TAF4B: variants seen among roughly 807,000 people sequenced by gnomAD.
The protein encoded by TAF4B is TATA-box binding protein associated factor 4b.
Under a neutral mutation model 86.4 loss-of-function variants are expected in TAF4B, and 38 were observed. The observed-to-expected ratio is 0.44, with a 90% CI of 0.34 to 0.58. TAF4B has a LOEUF of 0.58. Among genes scored for constraint, TAF4B ranks in the 20% least tolerant of loss-of-function variants. The pLI, the probability that TAF4B is intolerant of heterozygous loss-of-function variation, is 0.02. For missense variants in TAF4B, 988 were observed against 1,027.6 expected, an observed-to-expected ratio of 0.96 and a Z score of 0.53; for synonymous variants, 388 against 391.2, an observed-to-expected ratio of 0.99 and a Z score of 0.10.
At chr18:26,243,391 G>C (rs910754058) in intron 1 of TAF4B, among the ~76,000 whole-genome samples, 7 of 151,918 alleles carry the variant, frequency 4.6e-5, no homozygotes, top group African/African-American at 1.7e-4. Context: ...ACTGAAGCTT[G>C]TGCATCACGT....
chr18:26,231,344 G>GTTTTTTTTT (rs1260610897), intron 1 of TAF4B, among the ~76,000 whole-genome samples: 3 of 60,820 alleles, frequency 4.9e-5, no homozygotes, highest in African/African-American at 6.7e-5. Context: ...AGCTGCTTGG[G>GTTTTTTTTT]GTTTTTTTTT....
intron 1 of TAF4B, among the ~76,000 whole-genome samples, chr18:26,236,144 T>C (rs1222185735): frequency 6.6e-6 from 1 of 152,182 alleles, no homozygotes; most frequent in African/African-American, 2.4e-5. Flanking sequence ...TTGTTATTCA[T>C]GCAAATAATA....
chr18:26,236,648 G>A (rs1360916147), intron 1 of TAF4B, among the ~76,000 whole-genome samples: 1 of 152,214 alleles, frequency 6.6e-6, no homozygotes, highest in East Asian at 1.9e-4. Flanking sequence ...AAGCCCTACC[G>A]GGTTATTGCC....
chr18:26,315,095 A>ACTAACTCTCTCTCTCT, intron 9 of TAF4B, 134 bp from the exon 10 acceptor site: 1 of 218,604 alleles, frequency 4.6e-6, no homozygotes, highest in East Asian at 9.6e-5. Context: ...GCTCTCTGAA[A>ACTAACTCTCTCTCTCT]CTCTCTCTCT....
chr18:26,346,877 GTA>G (rs1220239621), intron 13 of TAF4B, among the ~76,000 whole-genome samples: 863 of 6,560 alleles, frequency 0.13, 201 homozygotes, highest in South Asian at 0.2. Flanking sequence ...ATATATATGT[GTA>G]TATATATATA....
chr18:26,274,807 C>G lies in TAF4B; in HGVS notation c.742C>G (p.Gln248Glu). ...NLKAENSAAV[Q>E]INLSPTMLEN... is the part of the protein sequence containing the mutation. ...TAAAGCAGAGAACTCAGCAGCTGTT[C>G]AGATTAATCTTTCTCCGGTAAGCTC... Residue 248 changes from glutamine to glutamate, a missense_variant, in exon 4 of 15, where the codon CAG (glutamine) becomes GAG (glutamate). By Grantham distance (29) the Gln-to-Glu change is conservative. This residue lies in a region of TAF4B where 747 missense variants were observed against 737.9 expected (regional missense o/e 1.01). Coordinates refer to ENST00000269142, the MANE Select transcript of TAF4B (RefSeq NM_005640.3). 1 of 1,614,144 alleles carries G rather than the reference C, an allele frequency of 6.2e-7. No individual in the cohort carries two copies. The highest frequency in any genetic ancestry group is 8.5e-7 in the Non-Finnish European group (1 of 1,180,026).
At chr18:26,271,703 C>T (rs950800919) in intron 3 of TAF4B, among the ~76,000 whole-genome samples, 2 of 152,066 alleles carry the variant, frequency 1.3e-5, no homozygotes, top group Admixed American at 1.3e-4. Flanking sequence ...GCAGGTGGAT[C>T]ACCTGAGGTC....
At chr18:26,245,499 A>C (rs768823116) in intron 1 of TAF4B, among the ~76,000 whole-genome samples, 1 of 152,126 alleles carries the variant, frequency 6.6e-6, no homozygotes, top group African/African-American at 2.4e-5. Context: ...GGCCCCTCCC[A>C]TGTTCCATTT....
intron 5 of TAF4B, among the ~76,000 whole-genome samples, chr18:26,275,344 C>T (rs746575468): frequency 1.1e-4 from 16 of 151,934 alleles, no homozygotes; most frequent in Non-Finnish European, 1.3e-4. Context: ...TTAGTAGAGA[C>T]GGGGTTTTGC....
At chr18:26,268,897 A>G (rs1194203681) in intron 3 of TAF4B, among the ~76,000 whole-genome samples, 1 of 152,118 alleles carries the variant, frequency 6.6e-6, no homozygotes, top group Non-Finnish European at 1.5e-5. Context: ...ATCTTGGCTC[A>G]CTGCAACCCC....
intron 14 of TAF4B, among the ~76,000 whole-genome samples, chr18:26,363,426 G>T (rs1408620486): frequency 7.0e-6 from 1 of 142,306 alleles, no homozygotes; most frequent in African/African-American, 2.6e-5. Flanking sequence ...TGCGCCTGTA[G>T]TTCCAGCAAC....
chr18:26,285,897 T>G lies in TAF4B; in HGVS notation c.988T>G (p.Leu330Val). The G allele has an allele frequency of 6.2e-7, 1 of 1,607,962 alleles. No homozygotes were observed. The highest frequency in any genetic ancestry group is 1.1e-5 in the South Asian group (1 of 90,154). The part of the protein sequence containing the change: ...VPFLKKSVVA[L>V]RQLLPNSQSF... ...GCATTTCCAGAAAAGCGTGGTTGCC[T>G]TACGACAACTTCTGCCTAACTCCCA... Residue 330 changes from leucine to valine, a missense_variant, in exon 7 of 15, where the codon TTA becomes GTA. By Grantham distance (32) the Leu-to-Val change is conservative. Transcript: ENST00000269142.
chr18:26,350,303 T>C (rs1676992), intron 13 of TAF4B, among the ~76,000 whole-genome samples: 53,994 of 152,102 alleles, frequency 0.35, 11,722 homozygotes, highest in East Asian at 0.81. Flanking sequence ...TTGCAAACTA[T>C]TCATCTGATA....
intron 14 of TAF4B, among the ~76,000 whole-genome samples, chr18:26,382,716 C>T (rs1978296715): frequency 1.3e-5 from 2 of 152,166 alleles, no homozygotes; most frequent in South Asian, 2.1e-4. Context: ...TTGGGTGACT[C>T]CAAACACATG....
intron 13 of TAF4B, among the ~76,000 whole-genome samples, chr18:26,341,622 T>C (rs1339776791): frequency 6.6e-6 from 1 of 152,108 alleles, no homozygotes; most frequent in Non-Finnish European, 1.5e-5. Flanking sequence ...GGCACCACAG[T>C]TTACGTATCA....
At chr18:26,245,891 G>T (rs1405908330) in intron 1 of TAF4B, among the ~76,000 whole-genome samples, 1 of 152,146 alleles carries the variant, frequency 6.6e-6, no homozygotes, top group Non-Finnish European at 1.5e-5. Flanking sequence ...CTATTCGCAG[G>T]CGTTGATACT....
chr18:26,336,683 A>G (rs2057094560), intron 13 of TAF4B, among the ~76,000 whole-genome samples: 1 of 152,236 alleles, frequency 6.6e-6, no homozygotes, highest in African/African-American at 2.4e-5. Context: ...CAAACCTGGC[A>G]TGAGGATAGA....
intron 13 of TAF4B, among the ~76,000 whole-genome samples, chr18:26,344,221 C>T (rs1003425737): frequency 2.0e-5 from 3 of 152,088 alleles, no homozygotes; most frequent in Non-Finnish European, 4.4e-5. Flanking sequence ...GTTCAACTCA[C>T]ATCATAATCA....
intron 1 of TAF4B, among the ~76,000 whole-genome samples, chr18:26,236,659 C>G (rs1453481388): frequency 6.6e-6 from 1 of 152,140 alleles, no homozygotes; most frequent in Admixed American, 6.5e-5. Flanking sequence ...GGTTATTGCC[C>G]TGCTCCATTT....
Sources: allele counts gnomAD v4.1 joint callset (sites outside exome capture counted in the v4.1 genomes callset), GRCh38; gene constraint gnomAD v4.1.1; regional missense constraint gnomAD v4.1.1; transcripts MANE v1.5; gene names NCBI Gene and HGNC (gene_info 2026-07-23, HGNC 2026-07-21).